MACF1: variants seen among roughly 807,000 people sequenced by gnomAD.
MACF1 encodes the protein microtubule actin crosslinking factor 1, also known as microtubule-actin cross-linking factor 1.
Under a neutral mutation model 854.8 loss-of-function variants are expected in MACF1, and 193 were observed. That is an observed-to-expected ratio of 0.23 (90% CI 0.20 to 0.25). MACF1 has a LOEUF of 0.25. Among genes scored for constraint, MACF1 ranks in the 10% least tolerant of loss-of-function variants. The pLI is 1.00. For synonymous variants in MACF1, 3,185 were observed against 3,226.7 expected, an observed-to-expected ratio of 0.99 and a Z score of 0.44; for missense variants, 7,722 against 8,929.1, an observed-to-expected ratio of 0.86 and a Z score of 5.45.
At chr1:39,383,420 G>T (rs928187807) in intron 56 of MACF1, among the ~76,000 whole-genome samples, 2 of 152,110 alleles carry the variant, frequency 1.3e-5, no homozygotes, top group Admixed American at 6.5e-5. Context: ...GGATCCCCAA[G>T]AGCTTGTGTT....
At chr1:39,294,805 T>C (rs1303220857) in intron 18 of MACF1, among the ~76,000 whole-genome samples, 2 of 152,240 alleles carry the variant, frequency 1.3e-5, no homozygotes, top group Non-Finnish European at 2.9e-5. Flanking sequence ...ATGCTTATTC[T>C]GTGTTCCCCC....
intron 6 of MACF1, among the ~76,000 whole-genome samples, chr1:39,278,240 G>A (rs1275472450): frequency 1.3e-5 from 2 of 152,206 alleles, no homozygotes; most frequent in Non-Finnish European, 2.9e-5. Flanking sequence ...CATATCATGT[G>A]TGAGTATACA....
chr1:39,290,155 G>T (rs912389484), intron 15 of MACF1, among the ~76,000 whole-genome samples: 2 of 152,132 alleles, frequency 1.3e-5, no homozygotes, highest in African/African-American at 4.8e-5. Context: ...GTGTTTTCTT[G>T]TAGTAGTTTC....
At chr1:39,181,825 A>G (rs1030597143) in intron 2 of MACF1, among the ~76,000 whole-genome samples, 20 of 152,200 alleles carry the variant, frequency 1.3e-4, no homozygotes, top group African/African-American at 4.8e-4. Context: ...CTTTTCAACA[A>G]ATTATACTGG....
chr1:39,380,717 G>T (rs1466582101), intron 55 of MACF1, among the ~76,000 whole-genome samples: 1 of 152,062 alleles, frequency 6.6e-6, no homozygotes, highest in Non-Finnish European at 1.5e-5. Flanking sequence ...ACCAGTCTGG[G>T]CAACATAGCA....
chr1:39,395,679 C>T (rs1037637715), intron 58 of MACF1, among the ~76,000 whole-genome samples: 1 of 152,160 alleles, frequency 6.6e-6, no homozygotes, highest in Non-Finnish European at 1.5e-5. Flanking sequence ...AGTTTGGCTG[C>T]TGATATTTAT....
intron 2 of MACF1, among the ~76,000 whole-genome samples, chr1:39,174,931 C>A (rs1366914938): frequency 6.6e-6 from 1 of 152,202 alleles, no homozygotes; most frequent in South Asian, 2.1e-4. Context: ...TTTCCCTGGC[C>A]ATAGTAAGAG....
chr1:39,129,891 C>T (rs1341331501), intron 2 of MACF1, among the ~76,000 whole-genome samples: 10 of 152,174 alleles, frequency 6.6e-5, no homozygotes. Context: ...TCCACTCCTC[C>T]TCCCCTCCCC....
intron 58 of MACF1, chr1:39,410,957 A>G (rs760521970): frequency 1.8e-5 from 29 of 1,613,990 alleles, no homozygotes; most frequent in Non-Finnish European, 2.5e-5. Flanking sequence ...CCTCCTCATG[A>G]ATTCCAGCCT....
rs745467100 is a variant in MACF1 at position 39,332,570 on chromosome 1, C to T, written c.5982C>T (p.Ser1994=). 5 of 1,614,070 alleles carry T rather than the reference C, an allele frequency of 3.1e-6. No individual in the cohort carries two copies. Among genetic ancestry groups the T allele is most frequent in the Non-Finnish European group, 4.2e-6 (5 of 1,180,020 alleles). ...AAGAGCTGATGGAGACACTAACATCCAGAGATGAGTATCAAACAAGTCCTC... is the reference window on the plus strand; with the variant it reads ...AAGAGCTGATGGAGACACTAACATCTAGAGATGAGTATCAAACAAGTCCTC... The part of the protein sequence containing the change: ...LDKELMETLT[S]RDEYQTSPPK... Residue 1994 remains serine, a synonymous_variant, in exon 37 of 101, where the codon TCC becomes TCT. Transcript: ENST00000564288.
rs1271094931 is a variant in MACF1, at chr1:39,393,235, T to C, written c.15816+4577T>C. On this transcript the variant is annotated intron_variant, in intron 58 of 100. Transcript: ENST00000564288. Reference sequence around the variant, plus strand: ...TATATATATATATATGTTAAGTCTCTGATGATAACAAGAGATTTTCCTCAT... The same window carrying C: ...TATATATATATATATGTTAAGTCTCCGATGATAACAAGAGATTTTCCTCAT... 5.9e-5 allele frequency among the ~76,000 whole-genome samples: 8 copies of C among 136,336 alleles called. No individual in the cohort carries two copies. In the South Asian group the frequency reaches 1.8e-3, roughly 31 times the overall value. The allele number at this position is 136,336 out of a possible 152,430, so 89.4% of individuals were successfully genotyped here. A position where few individuals can be genotyped will look rare whatever the true frequency, so the allele number is the denominator to read the frequency against.
At chr1:39,351,631 G>A (rs1345781628) in intron 43 of MACF1, among the ~76,000 whole-genome samples, 5 of 123,712 alleles carry the variant, frequency 4.0e-5, no homozygotes, top group Non-Finnish European at 7.9e-5. Flanking sequence ...CTGTTGCCAA[G>A]ACTGGAGTAC....
rs1259222812 is a variant in MACF1 at position 39,336,189 on chromosome 1, T to C, written c.9601T>C (p.Tyr3201His). 3 of 1,613,994 alleles carry C rather than the reference T, an allele frequency of 1.9e-6. No homozygotes were observed. In the East Asian group the frequency reaches 6.7e-5, roughly 36 times the overall value. ...VSRPDSKEVR[Y>H]LEFSDRKDLH... ...TAGACCAGATTCAAAAGAAGTCAGG[T>C]ATCTAGAATTCTCAGACAGAAAAGA... The change falls in exon 37 of 101, where the codon TAT becomes CAT. Residue 3201 changes from tyrosine (Y) to histidine (H), a missense_variant. Coordinates refer to ENST00000564288, the MANE Select transcript of MACF1 (RefSeq NM_001394062.1).
chr1:39,386,701 A>T (rs540691094), intron 57 of MACF1, among the ~76,000 whole-genome samples: 2 of 152,284 alleles, frequency 1.3e-5, no homozygotes, highest in East Asian at 3.9e-4. Flanking sequence ...AAGTGCTGGG[A>T]TTACAGGCGT....
At chr1:39,187,347 T>C (rs1644186383) in intron 2 of MACF1, among the ~76,000 whole-genome samples, 1 of 152,218 alleles carries the variant, frequency 6.6e-6, no homozygotes, top group Admixed American at 6.5e-5. Context: ...TATCAAATAA[T>C]CTTTTAGTTC....
Position 39,331,497 on chromosome 1 carries a change from G to A in MACF1, c.4909G>A (p.Ala1637Thr), listed in dbSNP as rs138152133. Residue 1637 changes from alanine (A) to threonine (T), a missense_variant, in exon 37 of 101, where the codon GCA becomes ACA. Physicochemically the swap from Ala to Thr is moderately conservative, Grantham distance 58. Coordinates refer to ENST00000564288, the MANE Select transcript of MACF1 (RefSeq NM_001394062.1). ...ESRGPLSVVEAIEKRIISETV... is the reference protein window; with the variant it reads ...ESRGPLSVVETIEKRIISETV... ...CAGAGGCCCTCTTTCTGTGGTGGAAGCAATTGAAAAGAGAATAATCAGTGA... is the reference window on the plus strand; with the variant it reads ...CAGAGGCCCTCTTTCTGTGGTGGAAACAATTGAAAAGAGAATAATCAGTGA... The A allele has an allele frequency of 3.0e-5, 48 of 1,614,034 alleles. No individual in the cohort carries two copies. The highest frequency in any genetic ancestry group is 2.5e-4 in the East Asian group (11 of 44,888).
intron 2 of MACF1, among the ~76,000 whole-genome samples, chr1:39,118,367 T>C (rs1457877076): frequency 6.6e-6 from 1 of 152,224 alleles, no homozygotes; most frequent in Non-Finnish European, 1.5e-5. Flanking sequence ...GTTTCCCAAA[T>C]GGAAAACAGG....
chr1:39,190,100 A>G (rs1480941434), intron 2 of MACF1, among the ~76,000 whole-genome samples: 1 of 152,206 alleles, frequency 6.6e-6, no homozygotes, highest in Non-Finnish European at 1.5e-5. Flanking sequence ...TAATGTCTAA[A>G]TGCATTGATA....
intron 58 of MACF1, among the ~76,000 whole-genome samples, chr1:39,417,711 TA>T (rs1557643393): frequency 9.7e-5 from 12 of 123,516 alleles, no homozygotes; most frequent in South Asian, 2.8e-4. Context: ...CACACCCAGT[TA>T]ATTTTTTTTT....
Sources: allele counts gnomAD v4.1 joint callset (sites outside exome capture counted in the v4.1 genomes callset), GRCh38; gene constraint gnomAD v4.1.1; transcripts MANE v1.5; gene names NCBI Gene and HGNC (gene_info 2026-07-23, HGNC 2026-07-21).